ACVR1: variants seen among roughly 807,000 people sequenced by gnomAD.
ACVR1 encodes activin receptor type-1.
Under a neutral mutation model 57.1 loss-of-function variants are expected in ACVR1, and 38 were observed. That is an observed-to-expected ratio of 0.67 (90% CI 0.51 to 0.87). The LOEUF (loss-of-function observed/expected upper bound fraction) is 0.87. Ranked by LOEUF, ACVR1 falls within the 40% of genes least tolerant of loss-of-function variation. The probability of loss-of-function intolerance (pLI) is 0.00; values close to 1 mark genes in which losing one functional copy is unlikely to be tolerated. For missense variants in ACVR1, 463 were observed against 638.2 expected (o/e 0.73, Z 2.96); for synonymous variants, 212 against 228.1 (o/e 0.93, Z 0.63).
intron 1 of ACVR1, among the ~76,000 whole-genome samples, chr2:157,844,863 G>GC (rs1294011679): frequency 2.6e-5 from 4 of 151,998 alleles, no homozygotes; most frequent in South Asian, 4.2e-4. Flanking sequence ...AGCTCCCTGG[G>GC]CCCCCCCTTC....
At chr2:157,824,279 G>A (rs1441134669) in intron 1 of ACVR1, among the ~76,000 whole-genome samples, 1 of 151,968 alleles carries the variant, frequency 6.6e-6, no homozygotes, top group Non-Finnish European at 1.5e-5. Context: ...ACCAGCCTGG[G>A]GAATATGGCG....
intron 1 of ACVR1, among the ~76,000 whole-genome samples, chr2:157,864,468 C>A (rs755925420): frequency 8.5e-5 from 13 of 152,166 alleles, no homozygotes; most frequent in South Asian, 2.1e-4. Context: ...CTTGCCTTGG[C>A]CTCCCAAAGT....
intron 9 of ACVR1, among the ~76,000 whole-genome samples, chr2:157,752,934 T>C (rs1685263666): frequency 6.6e-6 from 1 of 152,136 alleles, no homozygotes; most frequent in Admixed American, 6.5e-5. Context: ...ACAGATAGCA[T>C]GATGAATAGG....
chr2:157,744,436 T>G (rs1312474529), intron 9 of ACVR1, among the ~76,000 whole-genome samples: 1 of 152,246 alleles, frequency 6.6e-6, no homozygotes, highest in African/African-American at 2.4e-5. Context: ...ATCTCATTAG[T>G]TACATATTTA....
chr2:157,763,971 C>T (rs561850975), intron 8 of ACVR1, among the ~76,000 whole-genome samples: 4 of 152,240 alleles, frequency 2.6e-5, no homozygotes, highest in Middle Eastern at 3.4e-3. Context: ...GGACTTACTG[C>T]AAAGTTCCCC....
chr2:157,796,490 G>A (rs556988996), intron 3 of ACVR1, among the ~76,000 whole-genome samples: 3 of 152,160 alleles, frequency 2.0e-5, no homozygotes, highest in South Asian at 4.1e-4. Context: ...GGAGGAGAAG[G>A]TTGCAGTGAG....
intron 1 of ACVR1, among the ~76,000 whole-genome samples, chr2:157,865,673 T>A (rs566785002): frequency 6.6e-6 from 1 of 151,344 alleles, no homozygotes; most frequent in Non-Finnish European, 1.5e-5. Context: ...ATGCTTGTAA[T>A]CCCAGCTACT....
At chr2:157,811,938 C>T (rs1278134060) in intron 2 of ACVR1, among the ~76,000 whole-genome samples, 4 of 152,096 alleles carry the variant, frequency 2.6e-5, no homozygotes, top group Non-Finnish European at 5.9e-5. Flanking sequence ...CAAATAAGTA[C>T]CTATGAAGTA....
intron 1 of ACVR1, among the ~76,000 whole-genome samples, chr2:157,855,308 G>GTGTGTGTATATATATATA (rs1307480066): frequency 5.8e-5 from 3 of 51,656 alleles, no homozygotes; most frequent in Non-Finnish European, 1.1e-4. Context: ...GTGTGTGTGT[G>GTGTGTGTATATATATATA]TATATATATA....
chr2:157,740,617 C>T (rs1013358674), intron 9 of ACVR1, among the ~76,000 whole-genome samples: 1 of 152,120 alleles, frequency 6.6e-6, no homozygotes, highest in Non-Finnish European at 1.5e-5. Context: ...AGTAATTTAC[C>T]TGTTGAGCTT....
At chr2:157,749,157 C>T (rs1685082716) in intron 9 of ACVR1, among the ~76,000 whole-genome samples, 1 of 152,170 alleles carries the variant, frequency 6.6e-6, no homozygotes, top group Non-Finnish European at 1.5e-5. Flanking sequence ...GCTATAAAAA[C>T]CACTTTGTGG....
rs72925204 is a variant in ACVR1, at chr2:157,816,951, G to C, written c.-8+1434C>G. ...CATACTCTTAAAAGCATTTCATCCT[G>C]GATAGCGAGACATTTTTTTTTTTTT... On this transcript the variant is annotated intron_variant, in intron 2 of 10. Transcript: ENST00000434821. Among the ~76,000 whole-genome samples, 1,063 of 151,936 alleles carry C rather than the reference G, an allele frequency of 7.0e-3. 10 individuals are homozygous for C. The highest frequency in any genetic ancestry group is 0.011 in the Non-Finnish European group (758 of 67,972).
chr2:157,757,373 A>C (rs986463556), intron 9 of ACVR1, among the ~76,000 whole-genome samples: 8 of 151,904 alleles, frequency 5.3e-5, no homozygotes, highest in African/African-American at 1.9e-4. Context: ...CAAGAGATAA[A>C]TAGACATCCA....
In ACVR1 at chr2:157,864,755, C is replaced by T. The variant is rs16842205; in HGVS notation, c.-183+11041G>A. Among the ~76,000 whole-genome samples the T allele has an allele frequency of 4.6e-3, 706 of 152,228 alleles. 4 individuals are homozygous for T. Among genetic ancestry groups the T allele is most frequent in the African/African-American group, 0.016 (646 of 41,550 alleles). On this transcript the variant is annotated intron_variant, in intron 1 of 10. Transcript: ENST00000434821. ...AAAAGCTACCTCTTATGGTCTGTTC[C>T]GAAGTCATAAATAAAATTTTGCTGT...
chr2:157,738,570 C>G lies in ACVR1; in HGVS notation c.1265G>C (p.Gly422Ala). The change falls in exon 10 of 11, where the codon GGT (glycine) becomes GCT (alanine). Residue 422 changes from glycine (G) to alanine (A), a missense_variant and splice_region_variant. Around this residue, in one of 3 missense-constraint regions of ACVR1, gnomAD observed 146 missense variants for 186.6 expected, o/e 0.78. Coordinates refer to ENST00000434821, the MANE Select transcript of ACVR1 (RefSeq NM_001111067.4). ...WEVARRMVSN[G>A]IVEDYKPPFY... ...CGGTGGCTTGTAATCCTCCACTATACCTGCACACAAGGACAAGAATTGTGT... is the reference window on the plus strand; with the variant it reads ...CGGTGGCTTGTAATCCTCCACTATAGCTGCACACAAGGACAAGAATTGTGT... The G allele has an allele frequency of 6.2e-7, 1 of 1,614,008 alleles. No homozygotes were observed. Among genetic ancestry groups the G allele is most frequent in the Non-Finnish European group, 8.5e-7 (1 of 1,179,934 alleles).
chr2:157,784,165 T>C (rs1279045652), intron 3 of ACVR1, among the ~76,000 whole-genome samples: 1 of 152,164 alleles, frequency 6.6e-6, no homozygotes, highest in African/African-American at 2.4e-5. Context: ...ATAACATGTG[T>C]GGGCCTGTGA....
chr2:157,859,197 G>C (rs1255669828), intron 1 of ACVR1, among the ~76,000 whole-genome samples: 1 of 152,164 alleles, frequency 6.6e-6, no homozygotes, highest in Non-Finnish European at 1.5e-5. Context: ...TGATAAAACA[G>C]GTTGCGGTAA....
At chr2:157,746,525 C>T (rs886397907) in intron 9 of ACVR1, among the ~76,000 whole-genome samples, 1 of 152,212 alleles carries the variant, frequency 6.6e-6, no homozygotes, top group Non-Finnish European at 1.5e-5. Flanking sequence ...AAGACAGAAG[C>T]ACATCATGCT....
At chr2:157,810,258 T>C (rs1412832565) in intron 2 of ACVR1, among the ~76,000 whole-genome samples, 1 of 152,154 alleles carries the variant, frequency 6.6e-6, no homozygotes, top group Non-Finnish European at 1.5e-5. Flanking sequence ...AAAACACCAC[T>C]CTGTACCAGG....
Sources: gnomAD v4.1 joint callset for allele counts (sites outside exome capture counted in the v4.1 genomes callset) on GRCh38, gnomAD v4.1.1 for gene constraint, gnomAD v4.1.1 regional missense constraint, MANE v1.5 for transcripts, NCBI Gene and HGNC (gene_info 2026-07-23, HGNC 2026-07-21) for gene names.